Variants in ST6GALNAC3 observed in about 807,000 individuals in gnomAD.
ST6GALNAC3 encodes the protein ST6 N-acetylgalactosaminide alpha-2,6-sialyltransferase 3, also known as alpha-N-acetylgalactosaminide alpha-2,6-sialyltransferase 3.
ST6GALNAC3 carries 25 observed loss-of-function variants against 32.7 expected under a neutral mutation model. The observed-to-expected ratio is 0.76, with a 90% CI of 0.56 to 1.07. The LOEUF is 1.07. Ranked by LOEUF, ST6GALNAC3 falls within the 50% of genes least tolerant of loss-of-function variation. The pLI, the probability that ST6GALNAC3 is intolerant of heterozygous loss-of-function variation, is 0.00. For missense variants in ST6GALNAC3, 355 were observed against 382.4 expected (o/e 0.93, Z 0.60); for synonymous variants, 129 against 133.1 (o/e 0.97, Z 0.21).
intron 1 of ST6GALNAC3, among the ~76,000 whole-genome samples, chr1:76,191,367 G>A (rs1653886989): frequency 6.6e-6 from 1 of 152,126 alleles, no homozygotes; most frequent in Admixed American, 6.6e-5. Context: ...ACTAGGAATT[G>A]GGGAGGTATG....
chr1:76,238,871 G>T (rs189553288), intron 1 of ST6GALNAC3, among the ~76,000 whole-genome samples: 2 of 151,080 alleles, frequency 1.3e-5, no homozygotes, highest in African/African-American at 2.4e-5. Context: ...TTTTATTCAG[G>T]TATTTAAAGT....
chr1:76,075,664 C>T (rs1028680957), intron 1 of ST6GALNAC3, among the ~76,000 whole-genome samples: 3 of 151,460 alleles, frequency 2.0e-5, no homozygotes, highest in African/African-American at 7.3e-5. Flanking sequence ...GAGGGCCTCA[C>T]TTAAAAAGAA....
chr1:76,280,897 C>T (rs767307784), intron 1 of ST6GALNAC3, among the ~76,000 whole-genome samples: 1 of 152,212 alleles, frequency 6.6e-6, no homozygotes, highest in Non-Finnish European at 1.5e-5. Flanking sequence ...TAGATGCTCA[C>T]TGAATATCAC....
chr1:76,317,508 T>C (rs187285182), intron 2 of ST6GALNAC3, among the ~76,000 whole-genome samples: 2 of 152,258 alleles, frequency 1.3e-5, no homozygotes, highest in Admixed American at 1.3e-4. Flanking sequence ...GTCAATAGGC[T>C]TAGCTGAACT....
intron 1 of ST6GALNAC3, among the ~76,000 whole-genome samples, chr1:76,094,324 T>C (rs956340221): frequency 1.3e-5 from 2 of 152,218 alleles, no homozygotes; most frequent in Non-Finnish European, 2.9e-5. Context: ...CCAAATGCTA[T>C]TGTGCTAAGT....
intron 1 of ST6GALNAC3, among the ~76,000 whole-genome samples, chr1:76,127,596 C>G (rs917170525): frequency 6.6e-6 from 1 of 152,188 alleles, no homozygotes; most frequent in South Asian, 2.1e-4. Context: ...AAATATTTTA[C>G]ATGGATTATG....
intron 3 of ST6GALNAC3, among the ~76,000 whole-genome samples, chr1:76,543,793 C>T (rs1188958873): frequency 2.0e-5 from 3 of 152,160 alleles, no homozygotes; most frequent in Non-Finnish European, 4.4e-5. Context: ...TTTTCAACCA[C>T]AGAGCAGTAA....
intron 1 of ST6GALNAC3, among the ~76,000 whole-genome samples, chr1:76,278,895 A>C (rs957334611): frequency 6.6e-6 from 1 of 152,206 alleles, no homozygotes; most frequent in Non-Finnish European, 1.5e-5. Context: ...AGTTCTGTTC[A>C]TCGCGTAGTA....
chr1:76,236,045 G>A (rs1195300835), intron 1 of ST6GALNAC3, among the ~76,000 whole-genome samples: 1 of 151,766 alleles, frequency 6.6e-6, no homozygotes, highest in South Asian at 2.1e-4. Flanking sequence ...ATGTGATCTC[G>A]GCTCACTGCA....
At chr1:76,231,443 C>G (rs1404545035) in intron 1 of ST6GALNAC3, among the ~76,000 whole-genome samples, 1 of 152,138 alleles carries the variant, frequency 6.6e-6, no homozygotes, top group African/African-American at 2.4e-5. Context: ...ATCTCCAAAA[C>G]GTTTTCATCT....
intron 1 of ST6GALNAC3, among the ~76,000 whole-genome samples, chr1:76,311,288 A>T (rs181656530): frequency 1.4e-3 from 21 of 14,892 alleles, no homozygotes; most frequent in Admixed American, 0.014. Context: ...TTTCTTTTTT[A>T]AAAAAATTAT....
chr1:76,620,149 T>TGAG (rs1648545356), intron 3 of ST6GALNAC3, among the ~76,000 whole-genome samples: 1 of 151,996 alleles, frequency 6.6e-6, no homozygotes, highest in South Asian at 2.1e-4. Flanking sequence ...ACATCTTTCT[T>TGAG]GAGTGGATGA....
intron 3 of ST6GALNAC3, among the ~76,000 whole-genome samples, chr1:76,545,781 C>T (rs918386430): frequency 6.6e-6 from 1 of 151,856 alleles, no homozygotes; most frequent in East Asian, 1.9e-4. Context: ...CTCAGCCTCC[C>T]GAGTAGCTGG....
chr1:76,503,405 T>C (rs1277717475), intron 3 of ST6GALNAC3, among the ~76,000 whole-genome samples: 1 of 152,230 alleles, frequency 6.6e-6, no homozygotes, highest in Admixed American at 6.5e-5. Flanking sequence ...CCACTGCAAC[T>C]TGCTATGCCT....
At chr1:76,403,649 T>C (rs1298662818) in intron 2 of ST6GALNAC3, among the ~76,000 whole-genome samples, 1 of 152,144 alleles carries the variant, frequency 6.6e-6, no homozygotes, top group African/African-American at 2.4e-5. Flanking sequence ...TTGTAATGTA[T>C]AGCCAGTTGA....
At chr1:76,606,324 A>C (rs917656075) in intron 3 of ST6GALNAC3, among the ~76,000 whole-genome samples, 1 of 152,238 alleles carries the variant, frequency 6.6e-6, no homozygotes, top group Admixed American at 6.5e-5. Flanking sequence ...TCAAATGCCC[A>C]TCAATGACAG....
intron 1 of ST6GALNAC3, among the ~76,000 whole-genome samples, chr1:76,282,667 T>A (rs1445037158): frequency 2.0e-5 from 3 of 152,162 alleles, no homozygotes. Flanking sequence ...CAAACTAATT[T>A]TTTAGATTAC....
rs1357171070 is a variant in ST6GALNAC3, at chr1:76,501,768, G to A, written c.623+89351G>A. ...TTTAATGAGTGCACAGTATGAAGCC[G>A]GAGGCTGACTGCTTTGGTTTGCTGT... is the stretch of plus-strand genomic sequence containing the variant. On this transcript the variant is annotated intron_variant, in intron 3 of 4. Coordinates refer to ENST00000328299, the MANE Select transcript of ST6GALNAC3 (RefSeq NM_152996.4). Among the ~76,000 whole-genome samples, 5 of 152,202 alleles carry A rather than the reference G, an allele frequency of 3.3e-5. No individual in the cohort carries two copies. The South Asian group carries it at 1.0e-3, about 32-fold the overall frequency.
intron 1 of ST6GALNAC3, among the ~76,000 whole-genome samples, chr1:76,295,157 T>G (rs1296657475): frequency 2.6e-5 from 4 of 152,084 alleles, no homozygotes; most frequent in Non-Finnish European, 5.9e-5. Flanking sequence ...TGAGGCTTTA[T>G]TTTTTCCCAC....
Sources: gnomAD v4.1 joint callset for allele counts (sites outside exome capture counted in the v4.1 genomes callset) on GRCh38, gnomAD v4.1.1 for gene constraint, MANE v1.5 for transcripts, NCBI Gene and HGNC (gene_info 2026-07-23, HGNC 2026-07-21) for gene names.